KCNE3: variants seen among roughly 807,000 people sequenced by gnomAD.
The protein encoded by KCNE3 is potassium voltage-gated channel subfamily E member 3.
A neutral mutation model predicts 4.3 loss-of-function variants in KCNE3; 2 were observed. That is an observed-to-expected ratio of 0.47 (90% CI 0.19 to 1.48). The LOEUF (loss-of-function observed/expected upper bound fraction) is 1.48. Among genes scored for constraint, KCNE3 ranks in the 40% most tolerant of loss-of-function variants. The pLI is 0.25. For missense variants in KCNE3, 128 were observed against 136.8 expected, an observed-to-expected ratio of 0.94 and a Z score of 0.32; for synonymous variants, 47 against 52.0, an observed-to-expected ratio of 0.90 and a Z score of 0.41.
At position 74,457,132 on chromosome 11, in the gene KCNE3, G is replaced by A; in HGVS notation, c.*120C>T. On this transcript the variant is annotated 3_prime_UTR_variant, in exon 3 of 3. Transcript: ENST00000310128. ...CCCAGTGACGACCTCCCTTAACCGT[G>A]TTTCTTGTTGATCTTACAGATAGGG... 9.9e-7 allele frequency: 1 copy of A among 1,012,320 alleles called. No individual in the cohort carries two copies. The highest frequency in any genetic ancestry group is 1.4e-5 in the South Asian group (1 of 72,816). 62.7% of individuals were successfully genotyped at this position (1,012,320 alleles called of 1,614,324 possible).
chr11:74,464,926 T>C (rs1016376278), intron 1 of KCNE3, among the ~76,000 whole-genome samples: 1 of 152,196 alleles, frequency 6.6e-6, no homozygotes, highest in Non-Finnish European at 1.5e-5. Flanking sequence ...CTTCCTCTTT[T>C]TACCTGCCTG....
intron 1 of KCNE3, among the ~76,000 whole-genome samples, chr11:74,463,125 G>A (rs955947356): frequency 4.6e-5 from 7 of 152,282 alleles, no homozygotes; most frequent in Admixed American, 3.3e-4. Flanking sequence ...CAGCTCACCT[G>A]CCAGGATGAT....
At chr11:74,464,455 G>T (rs1218308942) in intron 1 of KCNE3, 1 of 152,338 alleles carries the variant, frequency 6.6e-6, no homozygotes. Flanking sequence ...GTGGATTGGA[G>T]AGCTGGTGGA....
At chr11:74,460,418 C>T (rs1207195481) in intron 2 of KCNE3, among the ~76,000 whole-genome samples, 1 of 152,222 alleles carries the variant, frequency 6.6e-6, no homozygotes, top group African/African-American at 2.4e-5. Context: ...GATCCAGTGC[C>T]TTCGCCCAGG....
At chr11:74,461,243 A>G (rs904319373) in intron 2 of KCNE3, among the ~76,000 whole-genome samples, 5 of 152,086 alleles carry the variant, frequency 3.3e-5, no homozygotes, top group African/African-American at 1.2e-4. Context: ...TCTAGTTAAC[A>G]CTACTGAGTG....
intron 2 of KCNE3, among the ~76,000 whole-genome samples, chr11:74,461,040 T>C (rs1177488456): frequency 6.6e-6 from 1 of 152,118 alleles, no homozygotes; most frequent in East Asian, 1.9e-4. Context: ...GGCAATTTCA[T>C]AGGTAGACAA....
In KCNE3 at chr11:74,467,245, G is replaced by C. The variant is rs1008106036; in HGVS notation, c.-190+153C>G. The stretch of plus-strand genomic sequence containing the variant: ...GATCGGGGAGGATCCGGGAGGACTA[G>C]CTTGGTATTTGCAGCGCCCACCCCT... On this transcript the variant is annotated intron_variant, in intron 1 of 2. Transcript: ENST00000310128. The surrounding 1 kb of genome is among the most constrained non-coding windows in gnomAD (Gnocchi z 4.4). 1.3e-5 allele frequency among the ~76,000 whole-genome samples: 2 copies of C among 151,784 alleles called. No homozygotes were observed. Among genetic ancestry groups the C allele is most frequent in the Admixed American group, 6.6e-5 (1 of 15,250 alleles).
At chr11:74,466,422 C>A (rs1032564581) in intron 1 of KCNE3, among the ~76,000 whole-genome samples, 6 of 152,162 alleles carry the variant, frequency 3.9e-5, no homozygotes, top group African/African-American at 1.4e-4. Flanking sequence ...CCATCAGGAA[C>A]AGACAAAGTG....
rs183379640 is a variant in KCNE3 at position 74,460,751 on chromosome 11, T to G, written c.-41+1204A>C. Among the ~76,000 whole-genome samples, 9 of 152,344 alleles carry G rather than the reference T, an allele frequency of 5.9e-5. No homozygotes were observed. The East Asian group carries it at 1.7e-3, about 29-fold the overall frequency. ...GTGCCACGCTGTAGAGTTGGAACTT[T>G]ATTCTGTAGCTAGGGAAAAGCCATG... On this transcript the variant is annotated intron_variant, in intron 2 of 2. Transcript: ENST00000310128.
intron 1 of KCNE3, chr11:74,462,965 TG>T (rs1863986988): frequency 6.6e-6 from 1 of 152,270 alleles, no homozygotes; most frequent in African/African-American, 2.4e-5. Context: ...AGAGGCATTT[TG>T]GGGGCTTTCT....
rs1591233104 is a variant in KCNE3 at position 74,467,004 on chromosome 11, A to T, written c.-190+394T>A. On this transcript the variant is annotated intron_variant, in intron 1 of 2. Coordinates refer to ENST00000310128, the MANE Select transcript of KCNE3 (RefSeq NM_005472.5). This position sits in a 1 kb window ranked among gnomAD's most constrained non-coding sequence, Gnocchi z 4.4. The stretch of plus-strand genomic sequence containing the variant: ...CCGCAGAGCCGGTGGCTCCAGCCAA[A>T]TGAGACTGTGCTGGGTCCTGAAATG... Among the ~76,000 whole-genome samples the T allele has an allele frequency of 1.3e-5, 2 of 152,208 alleles. No homozygotes were observed. Among genetic ancestry groups the T allele is most frequent in the East Asian group, 3.9e-4 (2 of 5,194 alleles).
rs772767562 is a variant in KCNE3 at position 74,457,414 on chromosome 11, T to A, written c.150A>T (p.Leu50=). ...DNQTEERRAS[L]PGRDDNSYMY... is the part of the protein sequence containing the mutation. ...TGTAGGAGTTGTCATCACGGCCAGGTAGGCTGGCCCGCCTCTCTTCAGTCT... is the reference window on the plus strand; with the variant it reads ...TGTAGGAGTTGTCATCACGGCCAGGAAGGCTGGCCCGCCTCTCTTCAGTCT... Residue 50 remains leucine, a synonymous_variant, in exon 3 of 3, where the codon CTA becomes CTT. Coordinates refer to ENST00000310128, the MANE Select transcript of KCNE3 (RefSeq NM_005472.5). The A allele has an allele frequency of 4.3e-6, 7 of 1,613,544 alleles. No homozygotes were observed. In the East Asian group the frequency reaches 1.6e-4, roughly 36 times the overall value.
In KCNE3 at chr11:74,457,269, G is replaced by A. The variant is rs748088627; in HGVS notation, c.295C>T (p.Arg99Cys). The A allele has an allele frequency of 8.7e-6, 14 of 1,613,968 alleles. No homozygotes were observed. Among genetic ancestry groups the A allele is most frequent in the Admixed American group, 3.3e-5 (2 of 60,018 alleles). Reference sequence around the variant, plus strand: ...CTCTCGTGTTAGATCATAGACACACGGTTCTTGATATACACATGATAGGGG... The same window carrying A: ...CTCTCGTGTTAGATCATAGACACACAGTTCTTGATATACACATGATAGGGG... The part of the protein sequence containing the change: ...SDPYHVYIKN[R>C]VSMI The change falls in exon 3 of 3, where the codon CGT becomes TGT. Residue 99 changes from arginine to cysteine, a missense_variant. Transcript: ENST00000310128.
At chr11:74,458,135 G>A (rs1264096880) in intron 2 of KCNE3, among the ~76,000 whole-genome samples, 1 of 152,062 alleles carries the variant, frequency 6.6e-6, no homozygotes, top group Non-Finnish European at 1.5e-5. Flanking sequence ...ATAAGGGCAG[G>A]GCCTATATTT....
rs572908760 is a variant in KCNE3 at position 74,457,938 on chromosome 11, G to A, written c.-40-335C>T. ...TAAGATGTGCCTTTGCTCCTCCTTT[G>A]CCTTCTGCCGTGATTGTGAGGCCTA... On this transcript the variant is annotated intron_variant, in intron 2 of 2. Coordinates refer to ENST00000310128, the MANE Select transcript of KCNE3 (RefSeq NM_005472.5). 9.9e-5 allele frequency among the ~76,000 whole-genome samples: 15 copies of A among 152,250 alleles called. No homozygotes were observed. In the South Asian group the frequency reaches 1.2e-3, roughly 13 times the overall value.
rs60016728 is a variant in KCNE3, at chr11:74,456,329, C to CAAAA, written c.*919_*922dup. Reference sequence around the variant, plus strand: ...CCTGGGTGACATAGGGAGACTGTCTCAAAAAAAAAAAAAGAAAAGAAAAGA... The same window carrying CAAAA: ...CCTGGGTGACATAGGGAGACTGTCTCAAAAAAAAAAAAAAAAAGAAAAGAAAAGA... On this transcript the variant is annotated 3_prime_UTR_variant, in exon 3 of 3. Coordinates refer to ENST00000310128, the MANE Select transcript of KCNE3 (RefSeq NM_005472.5). The CAAAA allele has an allele frequency of 0.07, 8,470 of 120,472 alleles. 342 individuals carry two copies. The highest frequency in any genetic ancestry group is 0.16 in the Middle Eastern group (38 of 238). The allele number at this position is 120,472 out of a possible 1,614,324, so 7.5% of individuals were successfully genotyped here. A position where few individuals can be genotyped will look rare whatever the true frequency, so the allele number is the denominator to read the frequency against.
intron 2 of KCNE3, among the ~76,000 whole-genome samples, chr11:74,459,085 G>A (rs1863885826): frequency 6.6e-6 from 1 of 152,136 alleles, no homozygotes. Context: ...GGGCGGGAGA[G>A]TGAAAGGAGT....
intron 1 of KCNE3, among the ~76,000 whole-genome samples, chr11:74,465,275 T>C (rs1864037452): frequency 6.6e-6 from 1 of 151,986 alleles, no homozygotes; most frequent in African/African-American, 2.4e-5. Flanking sequence ...CTAAGAGCAT[T>C]CCCCCGCTCT....
chr11:74,463,086 CTG>C lies in KCNE3; in HGVS notation c.-189-985_-189-984del, dbSNP rs41312929. ...CATCTAATATCCCAGTCGAGCCAAA[CTG>C]AGAGATTTACTCATTTTTCCTCTTC... On this transcript the variant is annotated intron_variant, in intron 1 of 2. Coordinates refer to ENST00000310128, the MANE Select transcript of KCNE3 (RefSeq NM_005472.5). Among the ~76,000 whole-genome samples, 15 of 152,234 alleles carry C rather than the reference CTG, an allele frequency of 9.9e-5. No homozygotes were observed. In the East Asian group the frequency reaches 2.9e-3, roughly 29 times the overall value.
Sources: gnomAD v4.1 joint callset for allele counts (sites outside exome capture counted in the v4.1 genomes callset) on GRCh38, gnomAD v4.1.1 for gene constraint, Gnocchi (gnomAD v3.1) non-coding constraint, MANE v1.5 for transcripts, NCBI Gene and HGNC (gene_info 2026-07-23, HGNC 2026-07-21) for gene names.